Variants in NTNG2 observed in about 807,000 individuals in gnomAD.
The protein encoded by NTNG2 is netrin G2.
NTNG2 carries 15 observed loss-of-function variants against 47.6 expected under a neutral mutation model. The ratio of observed to expected loss-of-function variants is 0.32; its 90% confidence interval spans 0.21 to 0.49. NTNG2 has a LOEUF of 0.49. Ranked by LOEUF, NTNG2 falls within the 20% of genes least tolerant of loss-of-function variation. The probability of loss-of-function intolerance (pLI) is 0.99; values close to 1 mark genes in which losing one functional copy is unlikely to be tolerated. For missense variants in NTNG2, 578 were observed against 764.6 expected, an observed-to-expected ratio of 0.76 and a Z score of 2.88; for synonymous variants, 307 against 324.6, an observed-to-expected ratio of 0.95 and a Z score of 0.58.
chr9:132,240,798 G>A (rs1841924467), intron 6 of NTNG2, 112 bp from the exon 7 acceptor site: 5 of 1,505,690 alleles, frequency 3.3e-6, no homozygotes, highest in South Asian at 1.2e-5. Context: ...AGTGTGGGGA[G>A]CATCCCCTGG....
In NTNG2 at chr9:132,208,304, T is replaced by C. The variant is rs372352613; in HGVS notation, c.857+9695T>C. Among the ~76,000 whole-genome samples, 1 of 151,386 alleles carries C rather than the reference T, an allele frequency of 6.6e-6. No homozygotes were observed. Among genetic ancestry groups the C allele is most frequent in the East Asian group, 1.9e-4 (1 of 5,142 alleles). ...CTCAGTGTGATGTGGCTGTGGTGGG[T>C]GAGTAAGATTCCAAAGAAGAGCAGG... On this transcript the variant is annotated intron_variant, in intron 3 of 7. Coordinates refer to ENST00000393229, the MANE Select transcript of NTNG2 (RefSeq NM_032536.4). This position sits in a 1 kb window ranked among gnomAD's most constrained non-coding sequence, Gnocchi z 4.0.
At chr9:132,230,736 C>T (rs1016020744) in intron 5 of NTNG2, 141 bp downstream of exon 5, 11 of 790,576 alleles carry the variant, frequency 1.4e-5, no homozygotes, top group South Asian at 6.6e-5. Flanking sequence ...TCTAATTACA[C>T]CCCATCTGCT....
At chr9:132,173,119 T>C (rs548387493) in intron 2 of NTNG2, among the ~76,000 whole-genome samples, 2 of 152,314 alleles carry the variant, frequency 1.3e-5, no homozygotes, top group African/African-American at 4.8e-5. Context: ...GTCCCTGTTC[T>C]GTGGGATTTG....
chr9:132,229,098 TC>T (rs1270527134), intron 4 of NTNG2, among the ~76,000 whole-genome samples: 1 of 151,706 alleles, frequency 6.6e-6, no homozygotes, highest in Non-Finnish European at 1.5e-5. Flanking sequence ...TCCCTGGGAG[TC>T]CCCGGGAATT....
Position 132,163,068 on chromosome 9 carries a change from GCT to G in NTNG2, c.-484+832_-484+833del, listed in dbSNP as rs1246535105. Among the ~76,000 whole-genome samples the G allele has an allele frequency of 6.6e-6, 1 of 152,208 alleles. No individual in the cohort carries two copies. Among genetic ancestry groups the G allele is most frequent in the African/African-American group, 2.4e-5 (1 of 41,462 alleles). ...GATACAGCCAGTTCCTGGGCGCCCT[GCT>G]CTGTGTCTTTTAATTAAGAGAGGCA... On this transcript the variant is annotated intron_variant, in intron 1 of 7. Transcript: ENST00000393229. The surrounding 1 kb of genome is among the most constrained non-coding windows in gnomAD (Gnocchi z 7.2).
chr9:132,223,224 C>T (rs531334055), intron 3 of NTNG2, among the ~76,000 whole-genome samples: 2 of 152,284 alleles, frequency 1.3e-5, no homozygotes, highest in East Asian at 1.9e-4. Flanking sequence ...CCCTGGTTAC[C>T]AAAGCTGGCA....
At chr9:132,190,924 G>A (rs1461682772) in intron 2 of NTNG2, among the ~76,000 whole-genome samples, 1 of 152,170 alleles carries the variant, frequency 6.6e-6, no homozygotes, top group Non-Finnish European at 1.5e-5. Flanking sequence ...CCTTTCAGGT[G>A]ACTTGCCTAT....
At chr9:132,238,970 CACCTTCCGGT>C in intron 5 of NTNG2, 124 bp from the exon 6 acceptor site, 1 of 875,980 alleles carries the variant, frequency 1.1e-6, no homozygotes, top group Non-Finnish European at 1.9e-6. Flanking sequence ...AGGCCTAGGG[CACCTTCCGGT>C]ACCTTTTCCA....
rs551887041 is a variant in NTNG2, at chr9:132,192,143, G to T, written c.214-5823G>T. On this transcript the variant is annotated intron_variant, in intron 2 of 7. Coordinates refer to ENST00000393229, the MANE Select transcript of NTNG2 (RefSeq NM_032536.4). ...AAACGCGCAGACCCAGAGGAGGCTG[G>T]CAAACCTTCACCCCCACTCAGAGGA... Among the ~76,000 whole-genome samples, 10 of 152,274 alleles carry T rather than the reference G, an allele frequency of 6.6e-5. No homozygotes were observed. In the South Asian group the frequency reaches 2.1e-3, roughly 32 times the overall value.
chr9:132,196,888 G>A (rs538686167), intron 2 of NTNG2, among the ~76,000 whole-genome samples: 8 of 152,306 alleles, frequency 5.3e-5, no homozygotes, highest in African/African-American at 1.7e-4. Flanking sequence ...TAAATTGGGG[G>A]TTCCCACGAC....
rs1012801663 is a variant in NTNG2 at position 132,218,617 on chromosome 9, C to T, written c.858-8232C>T. On this transcript the variant is annotated intron_variant, in intron 3 of 7. Transcript: ENST00000393229. This position sits in a 1 kb window ranked among gnomAD's most constrained non-coding sequence, Gnocchi z 5.4. ...GTTCAAGCGATCCTCCTGCCTCAGC[C>T]TCCCGAGTAGCTGGGATTACAGGCG... Among the ~76,000 whole-genome samples, 5 of 152,174 alleles carry T rather than the reference C, an allele frequency of 3.3e-5. No homozygotes were observed. The highest frequency in any genetic ancestry group is 7.3e-5 in the Non-Finnish European group (5 of 68,038).
chr9:132,212,517 G>A (rs969627587), intron 3 of NTNG2, among the ~76,000 whole-genome samples: 7 of 152,098 alleles, frequency 4.6e-5, no homozygotes, highest in East Asian at 1.9e-4. Context: ...TCCAGGAGGC[G>A]CAGCAGCCAG....
chr9:132,202,216 G>C (rs1204804833), intron 3 of NTNG2, among the ~76,000 whole-genome samples: 1 of 152,218 alleles, frequency 6.6e-6, no homozygotes, highest in Non-Finnish European at 1.5e-5. Context: ...GTGATTTCCA[G>C]CTCCAAGGGG....
Position 132,190,232 on chromosome 9 carries a change from C to CAAA in NTNG2, c.214-7707_214-7705dup, listed in dbSNP as rs58974463. 1.0e-3 allele frequency among the ~76,000 whole-genome samples: 71 copies of CAAA among 69,902 alleles called. 1 individual carries two copies. Among genetic ancestry groups the CAAA allele is most frequent in the African/African-American group, 3.2e-3 (57 of 17,740 alleles). 45.9% of individuals were successfully genotyped at this position (69,902 alleles called of 152,430 possible). A position where few individuals can be genotyped will look rare whatever the true frequency, so the allele number is the denominator to read the frequency against. ...TGGGCGAAAGAGAGAGACTCCATCT[C>CAAA]AAAAAAAAAAAAAAAAAAAAAAAAA... On this transcript the variant is annotated intron_variant, in intron 2 of 7. Transcript: ENST00000393229.
chr9:132,185,009 C>A (rs1023641134), intron 2 of NTNG2, among the ~76,000 whole-genome samples: 2 of 151,722 alleles, frequency 1.3e-5, no homozygotes, highest in African/African-American at 2.4e-5. Flanking sequence ...AAGGGGAAGG[C>A]GCTGGGGCTC....
In NTNG2 at chr9:132,239,202, T is replaced by G. The variant is rs1397177410; in HGVS notation, c.1153T>G (p.Cys385Gly). The change falls in exon 6 of 8, where the codon TGC becomes GGC. Residue 385 changes from cysteine (C) to glycine (G), a missense_variant. Cys to Gly is a radical substitution (Grantham distance 159, BLOSUM62 -3). Transcript: ENST00000393229. ...SCKHNTRGQHCQHCRLGYYRN... is the reference protein window; with the variant it reads ...SCKHNTRGQHGQHCRLGYYRN... Reference sequence around the variant, plus strand: ...CAAGCACAACACGCGAGGTCAGCACTGCCAGCACTGCCGGCTGGGCTACTA... The same window carrying G: ...CAAGCACAACACGCGAGGTCAGCACGGCCAGCACTGCCGGCTGGGCTACTA... The G allele has an allele frequency of 1.2e-6, 2 of 1,613,806 alleles. No homozygotes were observed. The highest frequency in any genetic ancestry group is 1.7e-5 in the Admixed American group (1 of 60,022).
rs1474014758 is a variant in NTNG2 at position 132,182,380 on chromosome 9, C to T, written c.213+15336C>T. On this transcript the variant is annotated intron_variant, in intron 2 of 7. Coordinates refer to ENST00000393229, the MANE Select transcript of NTNG2 (RefSeq NM_032536.4). This position sits in a 1 kb window ranked among gnomAD's most constrained non-coding sequence, Gnocchi z 4.2. ...GCCTGTCTGCTTGGCACGGGGCAGC[C>T]CTACCCTCCTGCCCAGTTCCCCTCC... is the stretch of plus-strand genomic sequence containing the variant. 2.0e-5 allele frequency among the ~76,000 whole-genome samples: 3 copies of T among 152,148 alleles called. No individual in the cohort carries two copies. Among genetic ancestry groups the T allele is most frequent in the Non-Finnish European group, 2.9e-5 (2 of 68,016 alleles).
At chr9:132,178,786 CAAAA>C (rs57942639) in intron 2 of NTNG2, among the ~76,000 whole-genome samples, 20 of 93,562 alleles carry the variant, frequency 2.1e-4, no homozygotes, top group African/African-American at 6.4e-4. Flanking sequence ...ACTAAAAATA[CAAAA>C]AAAAAAAAAA....
chr9:132,212,982 G>A (rs1406855598), intron 3 of NTNG2, among the ~76,000 whole-genome samples: 1 of 152,072 alleles, frequency 6.6e-6, no homozygotes, highest in African/African-American at 2.4e-5. Flanking sequence ...ATGACGTCTT[G>A]ACTCAGGCCT....
Sources: allele counts gnomAD v4.1 joint callset (sites outside exome capture counted in the v4.1 genomes callset), GRCh38; gene constraint gnomAD v4.1.1; non-coding constraint Gnocchi (gnomAD v3.1); transcripts MANE v1.5; gene names NCBI Gene and HGNC (gene_info 2026-07-23, HGNC 2026-07-21).